Variants in WWC2 observed in about 807,000 individuals in gnomAD.
WWC2 encodes the protein protein WWC2.
A neutral mutation model predicts 138.5 loss-of-function variants in WWC2; 101 were observed. The observed-to-expected ratio is 0.73, with a 90% confidence interval of 0.62 to 0.86. The LOEUF is 0.86. WWC2 is among the 40% of genes least tolerant of loss of function. The probability of loss-of-function intolerance (pLI) is 0.00; values close to 1 mark genes in which losing one functional copy is unlikely to be tolerated. For synonymous variants in WWC2, 558 were observed against 538.4 expected (o/e 1.04, Z -0.50); for missense variants, 1,420 against 1,419.4 (o/e 1.00, Z -0.01).
chr4:183,137,167 C>T (rs890706273), intron 1 of WWC2, among the ~76,000 whole-genome samples: 1 of 152,172 alleles, frequency 6.6e-6, no homozygotes, highest in Non-Finnish European at 1.5e-5. Context: ...ACACTGCACA[C>T]TTAGGCTACA....
intron 1 of WWC2, among the ~76,000 whole-genome samples, chr4:183,127,145 A>G (rs1300967477): frequency 6.6e-6 from 1 of 152,198 alleles, no homozygotes. Context: ...GACCTTGAGC[A>G]TGTTAAATAA....
In WWC2 at chr4:183,099,304, C is replaced by CG; in HGVS notation, c.-184dup. On this transcript the variant is annotated 5_prime_UTR_variant, in exon 1 of 23. Transcript: ENST00000403733. ...GCAGACATGGTGGACTGATCCGCAG[C>CG]GGGGCCGCGAACAGCGTTTCCTGAG... 2.5e-6 allele frequency: 1 copy of CG among 405,274 alleles called. No individual in the cohort carries two copies. The highest frequency in any genetic ancestry group is 5.4e-5 in the Admixed American group (1 of 18,530). The allele number at this position is 405,274 out of a possible 1,614,324, so 25.1% of individuals were successfully genotyped here. A position where few individuals can be genotyped will look rare whatever the true frequency, so the allele number is the denominator to read the frequency against.
intron 21 of WWC2, among the ~76,000 whole-genome samples, chr4:183,291,036 C>T (rs1284053733): frequency 6.6e-6 from 1 of 152,252 alleles, no homozygotes; most frequent in Non-Finnish European, 1.5e-5. Flanking sequence ...AGAAGGAAAC[C>T]TTCACGTTCA....
chr4:183,319,510 T>A lies in WWC2; in HGVS notation c.*3781T>A, dbSNP rs374445616. Reference sequence around the variant, plus strand: ...GAGCGGGACATCCTACCAAATCCAGTGTTGAGCAAGCGTCTCCTGAACAGC... The same window carrying A: ...GAGCGGGACATCCTACCAAATCCAGAGTTGAGCAAGCGTCTCCTGAACAGC... On this transcript the variant is annotated 3_prime_UTR_variant, in exon 23 of 23. Coordinates refer to ENST00000403733, the MANE Select transcript of WWC2 (RefSeq NM_024949.6). 50 of 1,529,036 alleles carry A rather than the reference T, an allele frequency of 3.3e-5. No individual in the cohort carries two copies. The highest frequency in any genetic ancestry group is 4.2e-5 in the Non-Finnish European group (48 of 1,136,352). 94.7% of individuals were successfully genotyped at this position (1,529,036 alleles called of 1,614,324 possible).
chr4:183,197,046 A>G (rs1735165409), intron 2 of WWC2, among the ~76,000 whole-genome samples: 1 of 152,250 alleles, frequency 6.6e-6, no homozygotes, highest in African/African-American at 2.4e-5. Context: ...TAGTATAATG[A>G]TAAACTCTTA....
intron 2 of WWC2, among the ~76,000 whole-genome samples, chr4:183,200,716 G>A (rs1196404956): frequency 2.0e-5 from 3 of 152,154 alleles, no homozygotes; most frequent in East Asian, 1.9e-4. Flanking sequence ...TCCATGCCAC[G>A]TGGGCCTCTC....
intron 1 of WWC2, among the ~76,000 whole-genome samples, chr4:183,148,909 GACTTTT>G (rs894637063): frequency 2.1e-4 from 32 of 152,066 alleles, no homozygotes; most frequent in African/African-American, 7.7e-4. Context: ...CCAGAATTTT[GACTTTT>G]TAAAGTATCA....
intron 1 of WWC2, among the ~76,000 whole-genome samples, chr4:183,134,769 A>G (rs890044133): frequency 1.3e-5 from 2 of 152,130 alleles, no homozygotes; most frequent in African/African-American, 4.8e-5. Context: ...TTGTTATGTA[A>G]TAACTTTTAT....
intron 19 of WWC2, 36 bp downstream of exon 19, chr4:183,284,426 TGCAGCTTCTTCCCTGCTGGTAGG>T (rs777353991): frequency 4.4e-6 from 7 of 1,598,548 alleles, no homozygotes; most frequent in Non-Finnish European, 6.0e-6. Context: ...GCGCTGGGAC[TGCAGCTTCTTCCCTGCTGGTAGG>T]GAGTGGCCTG....
intron 5 of WWC2, among the ~76,000 whole-genome samples, chr4:183,244,345 A>G (rs1736708981): frequency 1.3e-5 from 2 of 152,246 alleles, no homozygotes; most frequent in South Asian, 4.2e-4. Context: ...AACACAAAGA[A>G]TTAGGTTACG....
At chr4:183,173,072 G>C (rs1323716464) in intron 1 of WWC2, among the ~76,000 whole-genome samples, 2 of 150,542 alleles carry the variant, frequency 1.3e-5, no homozygotes, top group Non-Finnish European at 3.0e-5. Flanking sequence ...TCACCCCACA[G>C]GGTGCTCTGT....
chr4:183,218,539 G>A (rs1019411235), intron 4 of WWC2, among the ~76,000 whole-genome samples: 9 of 152,142 alleles, frequency 5.9e-5, no homozygotes, highest in Non-Finnish European at 8.8e-5. Context: ...GAAGATATTT[G>A]TTATAAAGAA....
chr4:183,296,098 T>C (rs1738622943), intron 21 of WWC2, among the ~76,000 whole-genome samples: 1 of 152,256 alleles, frequency 6.6e-6, no homozygotes, highest in Admixed American at 6.5e-5. Context: ...CGTCACTTCC[T>C]GTGCCTGCCT....
At chr4:183,142,596 G>T (rs1002542073) in intron 1 of WWC2, among the ~76,000 whole-genome samples, 2 of 152,166 alleles carry the variant, frequency 1.3e-5, no homozygotes, top group Non-Finnish European at 2.9e-5. Flanking sequence ...TGCCAGTTTT[G>T]TATTCTTTTA....
At chr4:183,197,409 C>A (rs988660770) in intron 2 of WWC2, among the ~76,000 whole-genome samples, 1 of 152,088 alleles carries the variant, frequency 6.6e-6, no homozygotes, top group South Asian at 2.1e-4. Context: ...GTTCTGACAT[C>A]GTATAGTTTC....
At chr4:183,167,993 C>T (rs569949823) in intron 1 of WWC2, among the ~76,000 whole-genome samples, 8 of 151,458 alleles carry the variant, frequency 5.3e-5, no homozygotes, top group Middle Eastern at 6.8e-3. Flanking sequence ...GTAGCTGGGA[C>T]TACAGGCGTG....
At chr4:183,280,629 G>A in intron 16 of WWC2, 147 bp from the exon 17 acceptor site, 1 of 927,938 alleles carries the variant, frequency 1.1e-6, no homozygotes, top group South Asian at 1.8e-5. Flanking sequence ...CTTGTTTTGG[G>A]TTCTATTTTA....
At chr4:183,135,041 C>G (rs1408130821) in intron 1 of WWC2, among the ~76,000 whole-genome samples, 1 of 152,014 alleles carries the variant, frequency 6.6e-6, no homozygotes, top group Admixed American at 6.6e-5. Flanking sequence ...AAGCGATTCT[C>G]CTGCCTCAGC....
At chr4:183,196,305 A>G (rs143081699) in intron 2 of WWC2, among the ~76,000 whole-genome samples, 82 of 152,334 alleles carry the variant, frequency 5.4e-4, no homozygotes, top group African/African-American at 1.9e-3. Flanking sequence ...ACAACACTGT[A>G]GTCTTGTCTC....
Sources: gnomAD v4.1 joint callset for allele counts (sites outside exome capture counted in the v4.1 genomes callset) on GRCh38, gnomAD v4.1.1 for gene constraint, MANE v1.5 for transcripts, NCBI Gene and HGNC (gene_info 2026-07-23, HGNC 2026-07-21) for gene names.